PLEKHA7: variants seen among roughly 807,000 people sequenced by gnomAD.
PLEKHA7 encodes pleckstrin homology domain-containing family A member 7.
Under a neutral mutation model 170.0 loss-of-function variants are expected in PLEKHA7, and 104 were observed. The observed-to-expected ratio is 0.61, with a 90% CI of 0.52 to 0.72. The LOEUF (loss-of-function observed/expected upper bound fraction) is 0.72, where lower values mean the gene tolerates loss of function less well. Ranked by LOEUF, PLEKHA7 falls within the 30% of genes least tolerant of loss-of-function variation. PLEKHA7 has a pLI of 0.00. For synonymous variants in PLEKHA7, 648 were observed against 660.8 expected (o/e 0.98, Z 0.30); for missense variants, 1,615 against 1,671.7 (o/e 0.97, Z 0.59).
At chr11:16,970,285 AG>A (rs764821210) in intron 3 of PLEKHA7, among the ~76,000 whole-genome samples, 8 of 152,226 alleles carry the variant, frequency 5.3e-5, no homozygotes, top group Admixed American at 1.3e-4. Flanking sequence ...GGCAACTTCT[AG>A]AAGCCTCAGC....
chr11:16,975,080 G>A (rs1862974413), intron 3 of PLEKHA7: 2 of 663,092 alleles, frequency 3.0e-6, no homozygotes, highest in South Asian at 8.4e-5. Flanking sequence ...TATATGTACA[G>A]TTCTATGAGA....
At chr11:16,963,761 G>A (rs1862205987) in intron 3 of PLEKHA7, among the ~76,000 whole-genome samples, 1 of 152,148 alleles carries the variant, frequency 6.6e-6, no homozygotes, top group Non-Finnish European at 1.5e-5. Context: ...GGGACACCCT[G>A]GCATCTGATC....
At chr11:16,979,485 G>A (rs558335692) in intron 3 of PLEKHA7, among the ~76,000 whole-genome samples, 1 of 152,156 alleles carries the variant, frequency 6.6e-6, no homozygotes, top group African/African-American at 2.4e-5. Flanking sequence ...CAGTCAGTTA[G>A]TGACAGAACC....
intron 3 of PLEKHA7, among the ~76,000 whole-genome samples, chr11:16,990,380 T>C (rs953418700): frequency 1.5e-4 from 22 of 148,416 alleles, no homozygotes; most frequent in African/African-American, 5.4e-4. Context: ...CTCAAAACCA[T>C]CCGGGCTCCA....
chr11:16,811,268 C>A (rs1209195728), intron 13 of PLEKHA7, among the ~76,000 whole-genome samples: 1 of 152,194 alleles, frequency 6.6e-6, no homozygotes, highest in Non-Finnish European at 1.5e-5. Context: ...CCCTCTGGCC[C>A]CGTGCACTAA....
intron 4 of PLEKHA7, among the ~76,000 whole-genome samples, chr11:16,867,862 T>C (rs1324048716): frequency 6.6e-6 from 1 of 152,200 alleles, no homozygotes; most frequent in African/African-American, 2.4e-5. Flanking sequence ...TATCTAAATC[T>C]TCCCTCTTCC....
rs577183241 is a variant in PLEKHA7, at chr11:16,853,813, G to A, written c.522+1076C>T. ...CCAGGAGTGTCCAACAGAAGAGGCC[G>A]GGAGCTGTTGCAGCTGCCATGGGGC... On this transcript the variant is annotated intron_variant, in intron 6 of 26. Coordinates refer to ENST00000531066, the MANE Select transcript of PLEKHA7 (RefSeq NM_001329630.2). 8.5e-5 allele frequency among the ~76,000 whole-genome samples: 13 copies of A among 152,292 alleles called. 1 individual carries two copies. In the East Asian group the frequency reaches 1.9e-3, roughly 23 times the overall value.
intron 3 of PLEKHA7, among the ~76,000 whole-genome samples, chr11:16,889,033 A>G (rs143715252): frequency 0.036 from 5,376 of 148,710 alleles, 154 homozygotes; most frequent in Middle Eastern, 0.048. Flanking sequence ...GCACATATAC[A>G]CCCAGATGGC....
chr11:16,832,273 G>C (rs1024344118), intron 9 of PLEKHA7, among the ~76,000 whole-genome samples: 8 of 152,216 alleles, frequency 5.3e-5, no homozygotes, highest in Middle Eastern at 3.4e-3. Context: ...CCTTAAATTG[G>C]GTTGTTCTAT....
intron 26 of PLEKHA7, among the ~76,000 whole-genome samples, chr11:16,782,185 G>A (rs1234455608): frequency 7.3e-6 from 1 of 136,724 alleles, no homozygotes; most frequent in Non-Finnish European, 1.7e-5. Flanking sequence ...ACACACACAC[G>A]TTCTCATCCC....
chr11:16,868,337 C>G (rs1854558728), intron 4 of PLEKHA7, among the ~76,000 whole-genome samples: 1 of 152,198 alleles, frequency 6.6e-6, no homozygotes, highest in Admixed American at 6.5e-5. Flanking sequence ...ATAGCTTTCA[C>G]ATTATTTCTC....
chr11:16,862,567 G>A (rs1193842856), intron 4 of PLEKHA7, among the ~76,000 whole-genome samples: 1 of 152,224 alleles, frequency 6.6e-6, no homozygotes, highest in African/African-American at 2.4e-5. Context: ...ACAGGAAGCA[G>A]CTTCCCTTCC....
intron 3 of PLEKHA7, 152 bp downstream of exon 3, chr11:17,013,837 G>T: frequency 3.2e-6 from 3 of 936,504 alleles, no homozygotes; most frequent in South Asian, 2.2e-5. Flanking sequence ...CAAACAACTT[G>T]GGCACACAAA....
intron 3 of PLEKHA7, among the ~76,000 whole-genome samples, chr11:16,903,631 T>C (rs919819588): frequency 6.6e-6 from 1 of 152,182 alleles, no homozygotes; most frequent in Non-Finnish European, 1.5e-5. Flanking sequence ...TCTTGGCATA[T>C]AAATAACTCA....
chr11:16,779,408 G>A (rs1382202935), intron 26 of PLEKHA7, among the ~76,000 whole-genome samples: 2 of 152,220 alleles, frequency 1.3e-5, no homozygotes, highest in Non-Finnish European at 2.9e-5. Flanking sequence ...TGCTTTGAGA[G>A]TAAGAAGAAA....
chr11:16,906,282 A>AAGGAAGGAAG (rs1238141139), intron 3 of PLEKHA7, among the ~76,000 whole-genome samples: 54 of 73,732 alleles, frequency 7.3e-4, no homozygotes, highest in Middle Eastern at 7.4e-3. Flanking sequence ...AAGGAAGGAA[A>AAGGAAGGAAG]GAAAGAAAAT....
At chr11:16,993,595 G>A (rs1864171834) in intron 3 of PLEKHA7, among the ~76,000 whole-genome samples, 1 of 152,052 alleles carries the variant, frequency 6.6e-6, no homozygotes, top group African/African-American at 2.4e-5. Context: ...TTGTCTCTGG[G>A]CAACCTCCTG....
intron 24 of PLEKHA7, among the ~76,000 whole-genome samples, chr11:16,785,885 A>G (rs372328874): frequency 2.6e-5 from 4 of 152,316 alleles, no homozygotes; most frequent in African/African-American, 9.6e-5. Flanking sequence ...CCTAACAATA[A>G]CAACTGCTGC....
At chr11:16,848,541 C>T (rs1303467265) in intron 8 of PLEKHA7, among the ~76,000 whole-genome samples, 2 of 152,188 alleles carry the variant, frequency 1.3e-5, no homozygotes, top group African/African-American at 4.8e-5. Flanking sequence ...TCTAGCGATG[C>T]AGGTGTTTGT....
Sources: gnomAD v4.1 joint callset for allele counts (sites outside exome capture counted in the v4.1 genomes callset) on GRCh38, gnomAD v4.1.1 for gene constraint, MANE v1.5 for transcripts, NCBI Gene and HGNC (gene_info 2026-07-23, HGNC 2026-07-21) for gene names.